SPRED1: variants seen among roughly 807,000 people sequenced by gnomAD.
The protein encoded by SPRED1 is sprouty-related, EVH1 domain-containing protein 1.
A neutral mutation model predicts 52.3 loss-of-function variants in SPRED1; 18 were observed. That is an observed-to-expected ratio of 0.34 (90% confidence interval 0.24 to 0.51). The LOEUF (loss-of-function observed/expected upper bound fraction) is 0.51, where lower values mean the gene tolerates loss of function less well. Ranked by LOEUF, SPRED1 falls within the 20% of genes least tolerant of loss-of-function variation. SPRED1 has a pLI of 0.97. For missense variants in SPRED1, 485 were observed against 551.0 expected (o/e 0.88, Z 1.20); for synonymous variants, 155 against 179.7 (o/e 0.86, Z 1.10).
intron 1 of SPRED1, among the ~76,000 whole-genome samples, chr15:38,263,437 A>G (rs56152774): frequency 0.22 from 33,880 of 152,080 alleles, 3,994 homozygotes; most frequent in Middle Eastern, 0.33. Flanking sequence ...CATTGAGAAT[A>G]TTAAGTAATA....
chr15:38,292,010 A>T (rs1279845109), intron 1 of SPRED1, among the ~76,000 whole-genome samples: 1 of 152,178 alleles, frequency 6.6e-6, no homozygotes, highest in African/African-American at 2.4e-5. Flanking sequence ...CTGAACTTTA[A>T]TACTGTTTCC....
intron 1 of SPRED1, among the ~76,000 whole-genome samples, chr15:38,263,588 T>G (rs150449510): frequency 1.3e-5 from 2 of 152,156 alleles, no homozygotes; most frequent in African/African-American, 4.8e-5. Context: ...AAAAGGAGTA[T>G]TGAGAAAGCG....
chr15:38,347,645 CTCT>C (rs762260383), intron 5 of SPRED1, among the ~76,000 whole-genome samples: 2 of 151,894 alleles, frequency 1.3e-5, no homozygotes, highest in East Asian at 1.9e-4. Context: ...CTCTGTTTAG[CTCT>C]TCTTCTGTAT....
Position 38,351,150 on chromosome 15 carries a change from A to G in SPRED1, c.821A>G (p.Asp274Gly), listed in dbSNP as rs111363743. 5 of 1,614,112 alleles carry G rather than the reference A, an allele frequency of 3.1e-6. No homozygotes were observed. Among genetic ancestry groups the G allele is most frequent in the Non-Finnish European group, 4.2e-6 (5 of 1,180,004 alleles). ...PDMWKNDLER[D>G]DADSSIQFSK... ...ATGTGGAAAAATGACTTGGAAAGAG[A>G]TGATGCTGATTCCAGTATTCAGTTT... Residue 274 changes from aspartate to glycine, a missense_variant, in exon 7 of 7, where the codon GAT (aspartate) becomes GGT (glycine). Around this residue, in one of 5 missense-constraint regions of SPRED1, gnomAD observed 205 missense variants for 245.2 expected, o/e 0.84. Transcript: ENST00000299084.
At chr15:38,323,640 T>A (rs1044383874) in intron 3 of SPRED1, among the ~76,000 whole-genome samples, 102 of 148,388 alleles carry the variant, frequency 6.9e-4, no homozygotes, top group African/African-American at 2.4e-3. Context: ...AAAAAAAAAA[T>A]ACATGATGTT....
At chr15:38,305,413 G>T (rs896494773) in intron 2 of SPRED1, among the ~76,000 whole-genome samples, 1 of 150,120 alleles carries the variant, frequency 6.7e-6, no homozygotes, top group Non-Finnish European at 1.5e-5. Flanking sequence ...ATATTGTTGA[G>T]TGGCTACTGT....
intron 1 of SPRED1, among the ~76,000 whole-genome samples, chr15:38,280,760 C>T (rs908601939): frequency 6.6e-6 from 1 of 152,188 alleles, no homozygotes; most frequent in Non-Finnish European, 1.5e-5. Context: ...AATTTAACAT[C>T]TCTTATAACT....
At chr15:38,283,059 T>C (rs935281931) in intron 1 of SPRED1, among the ~76,000 whole-genome samples, 2 of 152,170 alleles carry the variant, frequency 1.3e-5, no homozygotes, top group African/African-American at 4.8e-5. Context: ...TACTTGAGAC[T>C]GGGTAATTAT....
chr15:38,348,091 T>C (rs1009594135), intron 5 of SPRED1, among the ~76,000 whole-genome samples: 6 of 152,066 alleles, frequency 3.9e-5, no homozygotes, highest in African/African-American at 7.2e-5. Context: ...TTTTACTCTT[T>C]AGAATAGTTC....
At chr15:38,349,639 G>A (rs1268248654) in intron 6 of SPRED1, 116 bp downstream of exon 6, 9 of 774,386 alleles carry the variant, frequency 1.2e-5, no homozygotes, top group Middle Eastern at 3.0e-4. Flanking sequence ...ATTTTTCATT[G>A]TATAAATTTG....
At chr15:38,307,574 A>C (rs1427368896) in intron 2 of SPRED1, among the ~76,000 whole-genome samples, 1 of 152,206 alleles carries the variant, frequency 6.6e-6, no homozygotes, top group East Asian at 1.9e-4. Flanking sequence ...TTCCAAATGT[A>C]GTCACCATGG....
At chr15:38,280,504 G>A (rs1331250210) in intron 1 of SPRED1, among the ~76,000 whole-genome samples, 1 of 126,112 alleles carries the variant, frequency 7.9e-6, no homozygotes, top group African/African-American at 2.8e-5. Context: ...TATCATCTTT[G>A]CGTTAGATTT....
intron 2 of SPRED1, among the ~76,000 whole-genome samples, chr15:38,303,139 G>T (rs1895182697): frequency 6.6e-6 from 1 of 151,928 alleles, no homozygotes; most frequent in South Asian, 2.1e-4. Context: ...AGCTGAGATT[G>T]TGCCACTGCA....
At position 38,351,499 on chromosome 15, in the gene SPRED1, C is replaced by T. The variant is rs781585106; in HGVS notation, c.1170C>T (p.Pro390=). The change falls in exon 7 of 7, where the codon CCC becomes CCT. Residue 390 remains proline (P), a synonymous_variant. Coordinates refer to ENST00000299084, the MANE Select transcript of SPRED1 (RefSeq NM_152594.3). ...ACTCAGAGGGAGATTTTTCTGATCC[C>T]TGTTCGTGTGACACTAGCGACGACA... is the stretch of plus-strand genomic sequence containing the variant. ...MSDSEGDFSD[P]CSCDTSDDKF... is the part of the protein sequence containing the mutation. The T allele has an allele frequency of 3.7e-6, 6 of 1,614,096 alleles. No individual in the cohort carries two copies. Among genetic ancestry groups the T allele is most frequent in the Non-Finnish European group, 5.1e-6 (6 of 1,180,010 alleles).
At chr15:38,296,891 T>A (rs899612342) in intron 1 of SPRED1, among the ~76,000 whole-genome samples, 2 of 152,056 alleles carry the variant, frequency 1.3e-5, no homozygotes, top group African/African-American at 2.4e-5. Flanking sequence ...AAAGTAAGAG[T>A]TCTACCTTCA....
At chr15:38,254,680 G>C (rs570453845) in intron 1 of SPRED1, among the ~76,000 whole-genome samples, 2 of 152,314 alleles carry the variant, frequency 1.3e-5, no homozygotes, top group South Asian at 4.1e-4. Context: ...AACTACCCCT[G>C]TTCTGAGAAT....
In SPRED1 at chr15:38,312,182, T is replaced by TTATA. The variant is rs1470837565; in HGVS notation, c.208-10058_208-10055dup. On this transcript the variant is annotated intron_variant, in intron 2 of 6. Coordinates refer to ENST00000299084, the MANE Select transcript of SPRED1 (RefSeq NM_152594.3). ...TTTGTGTTTCTAAATGGTTTCTGTG[T>TTATA]TATAATAGGGTATTGCTGTATCAAT... is the stretch of plus-strand genomic sequence containing the variant. Among the ~76,000 whole-genome samples, 3 of 152,274 alleles carry TTATA rather than the reference T, an allele frequency of 2.0e-5. No individual in the cohort carries two copies. The South Asian group carries it at 6.2e-4, about 32-fold the overall frequency.
At chr15:38,285,358 A>G (rs1394645021) in intron 1 of SPRED1, among the ~76,000 whole-genome samples, 1 of 152,224 alleles carries the variant, frequency 6.6e-6, no homozygotes, top group East Asian at 1.9e-4. Context: ...GTGCTGTGGT[A>G]GCACAGACTA....
chr15:38,314,075 A>G (rs924668471), intron 2 of SPRED1, among the ~76,000 whole-genome samples: 4 of 151,878 alleles, frequency 2.6e-5, no homozygotes, highest in East Asian at 1.9e-4. Flanking sequence ...AATAACAGTT[A>G]TATTTGTCAA....
Sources: allele counts gnomAD v4.1 joint callset (sites outside exome capture counted in the v4.1 genomes callset), GRCh38; gene constraint gnomAD v4.1.1; regional missense constraint gnomAD v4.1.1; transcripts MANE v1.5; gene names NCBI Gene and HGNC (gene_info 2026-07-23, HGNC 2026-07-21).